The following YTHDC2 variants were observed in gnomAD, a reference collection of about 807,000 sequenced individuals.
YTHDC2 encodes 3'-5' RNA helicase YTHDC2.
Under a neutral mutation model 174.9 loss-of-function variants are expected in YTHDC2, and 45 were observed. The observed-to-expected ratio is 0.26, with a 90% CI of 0.20 to 0.33. The LOEUF is 0.33. YTHDC2 is among the 10% of genes least tolerant of loss of function. The probability of loss-of-function intolerance (pLI) is 1.00; values close to 1 mark genes in which losing one functional copy is unlikely to be tolerated. For missense variants in YTHDC2, 1,650 were observed against 1,723.7 expected (o/e 0.96, Z 0.76); for synonymous variants, 657 against 574.5 (o/e 1.14, Z -2.05).
chr5:113,539,642 C>A (rs1006823995), intron 8 of YTHDC2, among the ~76,000 whole-genome samples: 6 of 152,186 alleles, frequency 3.9e-5, no homozygotes, highest in Admixed American at 2.0e-4. Context: ...GTTAATACGT[C>A]TCTTGTAATG....
At chr5:113,579,956 A>G in intron 24 of YTHDC2, 1 of 979,174 alleles carries the variant, frequency 1.0e-6, no homozygotes, top group Non-Finnish European at 1.2e-6. Context: ...AGTAATTTAT[A>G]AAGAACAGAA....
At chr5:113,515,191 T>C (rs1773321698) in intron 1 of YTHDC2, 81 bp from the exon 2 acceptor site, 1 of 972,828 alleles carries the variant, frequency 1.0e-6, no homozygotes, top group Non-Finnish European at 1.6e-6. Context: ...TGTATGTTTT[T>C]CATATTTTGT....
At chr5:113,550,248 A>G (rs1291626667) in intron 12 of YTHDC2, among the ~76,000 whole-genome samples, 1 of 151,872 alleles carries the variant, frequency 6.6e-6, no homozygotes, top group East Asian at 1.9e-4. Flanking sequence ...GGAACAGAAG[A>G]TGTGGGGCTC....
At chr5:113,547,759 G>T (rs994355897) in intron 10 of YTHDC2, among the ~76,000 whole-genome samples, 6 of 152,140 alleles carry the variant, frequency 3.9e-5, no homozygotes, top group African/African-American at 1.4e-4. Flanking sequence ...ATGTTTCAGA[G>T]TGTTTATTAA....
chr5:113,553,170 T>C lies in YTHDC2; in HGVS notation c.1689-11T>C. On this transcript the variant is annotated splice_polypyrimidine_tract_variant and intron_variant, in intron 12 of 29. Coordinates refer to ENST00000161863, the MANE Select transcript of YTHDC2 (RefSeq NM_022828.5). ...AATTGACTTTGTCTTTTTTTTTTTT[T>C]TTTTTTTCAGTGCTACACTGGAATT... 7.3e-7 allele frequency: 1 copy of C among 1,378,166 alleles called. No individual in the cohort carries two copies. Among genetic ancestry groups the C allele is most frequent in the Non-Finnish European group, 9.4e-7 (1 of 1,068,474 alleles). 85.4% of individuals were successfully genotyped at this position (1,378,166 alleles called of 1,614,324 possible).
intron 10 of YTHDC2, among the ~76,000 whole-genome samples, chr5:113,548,270 A>G (rs577710201): frequency 6.6e-6 from 1 of 152,336 alleles, no homozygotes; most frequent in South Asian, 2.1e-4. Context: ...TTGAAATAAT[A>G]TAGATGAGCT....
Position 113,587,517 on chromosome 5 carries a change from AAT to A in YTHDC2, c.3825+3045_3825+3046del, listed in dbSNP as rs982134479. Among the ~76,000 whole-genome samples, 64 of 136,788 alleles carry A rather than the reference AAT, an allele frequency of 4.7e-4. 8 individuals are homozygous for A. Among genetic ancestry groups the A allele is most frequent in the South Asian group, 1.3e-3 (6 of 4,642 alleles). 89.7% of individuals were successfully genotyped at this position (136,788 alleles called of 152,430 possible). A position where few individuals can be genotyped will look rare whatever the true frequency, so the allele number is the denominator to read the frequency against. On this transcript the variant is annotated intron_variant, in intron 26 of 29. Transcript: ENST00000161863. The stretch of plus-strand genomic sequence containing the variant: ...TAATATATATAATGTATTTATATGT[AAT>A]ATATATTATGTATTTATATATTAAT...
At chr5:113,536,610 G>C (rs925355245) in intron 7 of YTHDC2, among the ~76,000 whole-genome samples, 8 of 152,078 alleles carry the variant, frequency 5.3e-5, no homozygotes, top group African/African-American at 1.9e-4. Flanking sequence ...GTTCACAATT[G>C]CCCCTATCCT....
At chr5:113,522,131 T>G (rs570865938) in intron 2 of YTHDC2, among the ~76,000 whole-genome samples, 3 of 72,978 alleles carry the variant, frequency 4.1e-5, no homozygotes, top group African/African-American at 7.4e-5. Flanking sequence ...GCCTGTTTTT[T>G]TTGTTTTTTG....
chr5:113,551,345 G>A (rs1365868500), intron 12 of YTHDC2, among the ~76,000 whole-genome samples: 3 of 151,586 alleles, frequency 2.0e-5, no homozygotes, highest in Non-Finnish European at 4.4e-5. Flanking sequence ...TGGCTAACTG[G>A]GCTTTCTTTT....
chr5:113,534,479 A>G (rs903552698), intron 6 of YTHDC2, 72 bp downstream of exon 6: 2 of 1,355,018 alleles, frequency 1.5e-6, no homozygotes, highest in African/African-American at 2.9e-5. Context: ...CCGTTTCAGG[A>G]TAGTCTCAAA....
At chr5:113,528,082 G>A (rs1032172371) in intron 4 of YTHDC2, among the ~76,000 whole-genome samples, 3 of 152,122 alleles carry the variant, frequency 2.0e-5, no homozygotes, top group Non-Finnish European at 4.4e-5. Flanking sequence ...AATTGTAGCA[G>A]TTCTAATTAT....
Position 113,584,389 on chromosome 5 carries a change from G to A in YTHDC2, c.3735G>A (p.Glu1245=). The change falls in exon 26 of 30, where the codon GAG becomes GAA. Residue 1245 remains glutamate, a synonymous_variant. Transcript: ENST00000161863. The part of the protein sequence containing the change: ...RGILHPKRGT[E]DRSDQSSLKS... The stretch of plus-strand genomic sequence containing the variant: ...TTTTACATCCTAAACGAGGTACTGA[G>A]GACCGATCAGATCAGTCTTCTCTGA... 1.2e-6 allele frequency: 2 copies of A among 1,613,890 alleles called. No individual in the cohort carries two copies. Among genetic ancestry groups the A allele is most frequent in the Non-Finnish European group, 1.7e-6 (2 of 1,179,862 alleles).
At chr5:113,523,723 A>G (rs1435590201) in intron 2 of YTHDC2, among the ~76,000 whole-genome samples, 8 of 152,224 alleles carry the variant, frequency 5.3e-5, no homozygotes, top group African/African-American at 1.7e-4. Context: ...TGGAAGCCTC[A>G]CTTAGAAAAC....
intron 15 of YTHDC2, 40 bp from the exon 16 acceptor site, chr5:113,553,902 T>C (rs761242426): frequency 1.3e-6 from 2 of 1,582,922 alleles, no homozygotes; most frequent in East Asian, 2.2e-5. Context: ...AGTTATTTTT[T>C]CTGTTTTTTT....
At chr5:113,548,454 G>A in intron 10 of YTHDC2, 87 bp from the exon 11 acceptor site, 1 of 1,321,858 alleles carries the variant, frequency 7.6e-7, no homozygotes, top group South Asian at 1.5e-5. Flanking sequence ...CTGAAACTCA[G>A]TTCTGCTATT....
rs931686020 is a variant in YTHDC2 at position 113,558,694 on chromosome 5, C to T, written c.2217-2386C>T. Among the ~76,000 whole-genome samples, 21 of 151,978 alleles carry T rather than the reference C, an allele frequency of 1.4e-4. No individual in the cohort carries two copies. In the Middle Eastern group the frequency reaches 0.014, roughly 98 times the overall value. ...ATCGAAGTGGATTGGGAGGCTGAGG[C>T]GGGCAGATCACAAGGTTAGGAGTTC... is the stretch of plus-strand genomic sequence containing the variant. On this transcript the variant is annotated intron_variant, in intron 17 of 29. Transcript: ENST00000161863.
At chr5:113,533,121 A>T (rs1003038811) in intron 5 of YTHDC2, 76 bp downstream of exon 5, 6 of 1,503,616 alleles carry the variant, frequency 4.0e-6, no homozygotes, top group Non-Finnish European at 5.4e-6. Context: ...AAAATAGAGG[A>T]TGTGTTCGTT....
intron 26 of YTHDC2, among the ~76,000 whole-genome samples, chr5:113,586,873 C>CTCTCTA (rs1554103143): frequency 7.8e-6 from 1 of 127,414 alleles, no homozygotes; most frequent in African/African-American, 3.0e-5. Context: ...CTCTCTCTCT[C>CTCTCTA]TATATATATA....
Sources: allele counts gnomAD v4.1 joint callset (sites outside exome capture counted in the v4.1 genomes callset), GRCh38; gene constraint gnomAD v4.1.1; transcripts MANE v1.5; gene names NCBI Gene and HGNC (gene_info 2026-07-23, HGNC 2026-07-21).